Variants in OTUD7A observed in about 807,000 individuals in gnomAD.
The protein encoded by OTUD7A is OTU deubiquitinase 7A.
A neutral mutation model predicts 65.7 loss-of-function variants in OTUD7A; 12 were observed. That is an observed-to-expected ratio of 0.18 (90% CI 0.12 to 0.30). OTUD7A has a LOEUF of 0.30. Among genes scored for constraint, OTUD7A ranks in the 10% least tolerant of loss-of-function variants. The probability of loss-of-function intolerance (pLI) is 1.00; values close to 1 mark genes in which losing one functional copy is unlikely to be tolerated. For synonymous variants in OTUD7A, 641 were observed against 586.3 expected (o/e 1.09, Z -1.35); for missense variants, 1,148 against 1,304.8 (o/e 0.88, Z 1.85).
At chr15:31,797,627 G>C (rs939602094) in intron 1 of OTUD7A, among the ~76,000 whole-genome samples, 1 of 152,204 alleles carries the variant, frequency 6.6e-6, no homozygotes, top group Non-Finnish European at 1.5e-5. Flanking sequence ...GGTGACACCT[G>C]CAAATCGCAT....
intron 1 of OTUD7A, among the ~76,000 whole-genome samples, chr15:31,837,953 T>C (rs751382200): frequency 6.6e-6 from 1 of 152,184 alleles, no homozygotes; most frequent in African/African-American, 2.4e-5. Context: ...GGAACAGAAT[T>C]AAACAACATA....
At position 31,478,357 on chromosome 15, in the gene OTUD7A, T is replaced by TAC. The variant is rs1037563733; in HGVS notation, c.*4936_*4937insGT. ...TAAACTAACAAATTATGTATATATA[T>TAC]ATCCTTGATATGCTCTTTGGGAGGA... On this transcript the variant is annotated 3_prime_UTR_variant, in exon 13 of 13. Transcript: ENST00000307050. 2 of 152,178 alleles carry TAC rather than the reference T, an allele frequency of 1.3e-5. No homozygotes were observed. The highest frequency in any genetic ancestry group is 1.3e-4 in the Admixed American group (2 of 15,280). 9.4% of individuals were successfully genotyped at this position (152,178 alleles called of 1,614,324 possible).
chr15:31,527,120 C>A, intron 7 of OTUD7A, 61 bp downstream of exon 7: 1 of 1,603,564 alleles, frequency 6.2e-7, no homozygotes, highest in South Asian at 1.1e-5. Context: ...TGGACTCGAC[C>A]ACGGCCCGAG....
chr15:31,638,987 A>C (rs1162449672), intron 3 of OTUD7A, among the ~76,000 whole-genome samples: 1 of 152,116 alleles, frequency 6.6e-6, no homozygotes, highest in African/African-American at 2.4e-5. Context: ...ACAAAAAATT[A>C]GCCAGCCATG....
intron 1 of OTUD7A, among the ~76,000 whole-genome samples, chr15:31,826,776 T>G (rs567016377): frequency 6.6e-6 from 1 of 152,332 alleles, no homozygotes; most frequent in South Asian, 2.1e-4. Context: ...GCTTAGAAAC[T>G]TCTTCCACCA....
At chr15:31,485,876 G>A (rs531653649) in intron 12 of OTUD7A, among the ~76,000 whole-genome samples, 3 of 152,316 alleles carry the variant, frequency 2.0e-5, no homozygotes, top group Admixed American at 2.0e-4. Flanking sequence ...CCAAAGCAAA[G>A]GTGGGCAGAA....
At chr15:31,678,421 T>C (rs1595703550) in intron 1 of OTUD7A, among the ~76,000 whole-genome samples, 1 of 152,192 alleles carries the variant, frequency 6.6e-6, no homozygotes, top group Admixed American at 6.5e-5. Flanking sequence ...CTCCAGGGCA[T>C]GTCAGAGGTC....
At chr15:31,785,864 C>G (rs1895659411) in intron 1 of OTUD7A, among the ~76,000 whole-genome samples, 1 of 152,210 alleles carries the variant, frequency 6.6e-6, no homozygotes, top group Non-Finnish European at 1.5e-5. Flanking sequence ...TACATGTAAA[C>G]ACACAAAGCA....
At chr15:31,762,884 A>G (rs1191456995) in intron 1 of OTUD7A, among the ~76,000 whole-genome samples, 6 of 152,250 alleles carry the variant, frequency 3.9e-5, no homozygotes, top group Admixed American at 3.3e-4. Context: ...CTACAAGAAA[A>G]GAGAAAAACA....
At chr15:31,824,448 G>T (rs1896754249) in intron 1 of OTUD7A, among the ~76,000 whole-genome samples, 1 of 152,190 alleles carries the variant, frequency 6.6e-6, no homozygotes, top group Non-Finnish European at 1.5e-5. Flanking sequence ...GAAAGGAAAG[G>T]AAAGACAAGA....
chr15:31,682,966 A>G (rs1274320953), intron 1 of OTUD7A, among the ~76,000 whole-genome samples: 6 of 152,258 alleles, frequency 3.9e-5, no homozygotes, highest in Admixed American at 1.3e-4. Flanking sequence ...AAGGGTGTCT[A>G]AGGGACATTT....
chr15:31,603,379 C>T (rs1248104829), intron 3 of OTUD7A, among the ~76,000 whole-genome samples: 1 of 152,194 alleles, frequency 6.6e-6, no homozygotes, highest in Non-Finnish European at 1.5e-5. Context: ...GTTGGGAAAA[C>T]TGGCTAGCCA....
intron 1 of OTUD7A, among the ~76,000 whole-genome samples, chr15:31,843,354 A>G (rs7168794): frequency 0.035 from 5,314 of 150,352 alleles, 340 homozygotes; most frequent in African/African-American, 0.12. Flanking sequence ...AAAAAACCCC[A>G]ACCATTAAGC....
At chr15:31,623,147 A>G in intron 3 of OTUD7A, among the ~76,000 whole-genome samples, 1 of 152,202 alleles carries the variant, frequency 6.6e-6, no homozygotes, top group East Asian at 1.9e-4. Context: ...AGGGGTACCC[A>G]GCCGTGTGAG....
chr15:31,795,199 G>A (rs527610702), intron 1 of OTUD7A, among the ~76,000 whole-genome samples: 7 of 152,312 alleles, frequency 4.6e-5, no homozygotes, highest in Admixed American at 2.0e-4. Flanking sequence ...GCCCACAGGT[G>A]AAATGCACAG....
chr15:31,490,075 G>A (rs915314413), intron 10 of OTUD7A, among the ~76,000 whole-genome samples: 4 of 152,248 alleles, frequency 2.6e-5, no homozygotes, highest in African/African-American at 9.6e-5. Flanking sequence ...AGAGCCCAGG[G>A]ACAGTTCCGG....
At chr15:31,535,693 T>C (rs1887775580) in intron 5 of OTUD7A, among the ~76,000 whole-genome samples, 4 of 144,432 alleles carry the variant, frequency 2.8e-5, no homozygotes, top group Admixed American at 2.7e-4. Context: ...TTTTTTTTTT[T>C]TGAGACAGAG....
At chr15:31,670,948 T>TCG (rs1162655164) in intron 1 of OTUD7A, among the ~76,000 whole-genome samples, 71 of 152,130 alleles carry the variant, frequency 4.7e-4, no homozygotes, top group African/African-American at 1.3e-3. Context: ...TGAGCCGAGA[T>TCG]TGCACCACTG....
intron 5 of OTUD7A, among the ~76,000 whole-genome samples, chr15:31,547,832 A>G (rs1039653091): frequency 5.9e-5 from 9 of 152,234 alleles, no homozygotes; most frequent in African/African-American, 2.2e-4. Flanking sequence ...ATCATAAACA[A>G]AACACAAAAC....
Sources: gnomAD v4.1 joint callset for allele counts (sites outside exome capture counted in the v4.1 genomes callset) on GRCh38, gnomAD v4.1.1 for gene constraint, MANE v1.5 for transcripts, NCBI Gene and HGNC (gene_info 2026-07-23, HGNC 2026-07-21) for gene names.